PRDM16: variants seen among roughly 807,000 people sequenced by gnomAD.
The protein encoded by PRDM16 is PR/SET domain 16.
Under a neutral mutation model 110.6 loss-of-function variants are expected in PRDM16, and 23 were observed. The ratio of observed to expected loss-of-function variants is 0.21; its 90% confidence interval spans 0.15 to 0.29. The LOEUF is 0.29. Ranked by LOEUF, PRDM16 falls within the 10% of genes least tolerant of loss-of-function variation. The probability of loss-of-function intolerance (pLI) is 1.00; values close to 1 mark genes in which losing one functional copy is unlikely to be tolerated. For synonymous variants in PRDM16, 799 were observed against 781.8 expected (o/e 1.02, Z -0.37); for missense variants, 1,615 against 1,794.3 (o/e 0.90, Z 1.81).
intron 10 of PRDM16, among the ~76,000 whole-genome samples, chr1:3,415,550 C>G (rs1638220349): frequency 6.6e-6 from 1 of 152,278 alleles, no homozygotes; most frequent in Non-Finnish European, 1.5e-5. Context: ...ATAACTTCCC[C>G]TGATTTTCCT....
chr1:3,106,215 C>T (rs929524967), intron 1 of PRDM16, among the ~76,000 whole-genome samples: 2 of 152,260 alleles, frequency 1.3e-5, no homozygotes, highest in Non-Finnish European at 2.9e-5. Context: ...CCCTGGTGAG[C>T]AGGTGGCCAG....
rs1557517364 is a variant in PRDM16, at chr1:3,190,862, CG to C, written c.387+4390del. ...GCTGTTTATTTTGCTAATTAAGAGG[CG>C]GCTGCCCGGTGACAGCCCAGAGGGA... On this transcript the variant is annotated intron_variant, in intron 2 of 16. Coordinates refer to ENST00000270722, the MANE Select transcript of PRDM16 (RefSeq NM_022114.4). The surrounding 1 kb of genome is among the most constrained non-coding windows in gnomAD (Gnocchi z 5.0). Among the ~76,000 whole-genome samples the C allele has an allele frequency of 6.6e-6, 1 of 152,234 alleles. No homozygotes were observed. Among genetic ancestry groups the C allele is most frequent in the African/African-American group, 2.4e-5 (1 of 41,456 alleles).
intron 1 of PRDM16, among the ~76,000 whole-genome samples, chr1:3,076,380 AAG>A (rs1641900538): frequency 6.6e-6 from 1 of 151,966 alleles, no homozygotes; most frequent in African/African-American, 2.4e-5. Context: ...GAGATGAGGG[AAG>A]AGTTTGCTTT....
intron 5 of PRDM16, among the ~76,000 whole-genome samples, chr1:3,399,235 G>C (rs1643430071): frequency 6.6e-6 from 1 of 152,214 alleles, no homozygotes; most frequent in African/African-American, 2.4e-5. Flanking sequence ...CTCCAAAAGA[G>C]GTCAAGAGGA....
intron 3 of PRDM16, among the ~76,000 whole-genome samples, chr1:3,340,741 T>A (rs1483482562): frequency 2.6e-5 from 4 of 152,142 alleles, no homozygotes; most frequent in African/African-American, 7.2e-5. Flanking sequence ...GGGGACGTGT[T>A]TTGTAAAGGC....
intron 3 of PRDM16, among the ~76,000 whole-genome samples, chr1:3,347,573 G>C (rs1337296377): frequency 6.6e-6 from 1 of 152,258 alleles, no homozygotes; most frequent in Non-Finnish European, 1.5e-5. Context: ...GGTGGGGGCA[G>C]AGCCGTCTCT....
intron 3 of PRDM16, among the ~76,000 whole-genome samples, chr1:3,271,511 G>A (rs1640454299): frequency 6.6e-6 from 1 of 152,354 alleles, no homozygotes; most frequent in South Asian, 2.1e-4. Context: ...TTGTCCTGCA[G>A]CGGACGTGGA....
intron 2 of PRDM16, among the ~76,000 whole-genome samples, chr1:3,198,945 G>C (rs571233838): frequency 8.5e-5 from 13 of 152,330 alleles, no homozygotes; most frequent in African/African-American, 2.9e-4. Context: ...GCAGAGCTAA[G>C]ATTTCTGCCA....
chr1:3,181,552 G>GGTCTTACGGTCTTACA (rs755533699), intron 1 of PRDM16, among the ~76,000 whole-genome samples: 5 of 27,432 alleles, frequency 1.8e-4, no homozygotes, highest in Middle Eastern at 0.036. Context: ...TCTTACACAC[G>GGTCTTACGGTCTTACA]CAGTCTTACA....
intron 2 of PRDM16, among the ~76,000 whole-genome samples, chr1:3,234,866 G>A (rs943837259): frequency 3.3e-5 from 5 of 152,264 alleles, no homozygotes; most frequent in Admixed American, 1.3e-4. Flanking sequence ...CTAAAGGGGC[G>A]TCTAATCCAG....
At chr1:3,179,241 G>A (rs1294922876) in intron 1 of PRDM16, among the ~76,000 whole-genome samples, 1 of 152,260 alleles carries the variant, frequency 6.6e-6, no homozygotes, top group Non-Finnish European at 1.5e-5. Flanking sequence ...CTGGACTAGG[G>A]TGAGGCAGAG....
chr1:3,219,217 G>A (rs1047822183), intron 2 of PRDM16, among the ~76,000 whole-genome samples: 1 of 152,234 alleles, frequency 6.6e-6, no homozygotes, highest in Non-Finnish European at 1.5e-5. Flanking sequence ...TTTCCAATTA[G>A]CAAAAGAAAA....
chr1:3,069,366 G>C lies in PRDM16; in HGVS notation c.37+70G>C. 1.4e-6 allele frequency: 1 copy of C among 726,066 alleles called. No homozygotes were observed. Among genetic ancestry groups the C allele is most frequent in the Non-Finnish European group, 1.7e-6 (1 of 595,542 alleles). 45.0% of individuals were successfully genotyped at this position (726,066 alleles called of 1,614,324 possible). On this transcript the variant is annotated intron_variant, in intron 1 of 16. Transcript: ENST00000270722. The surrounding 1 kb of genome is among the most constrained non-coding windows in gnomAD (Gnocchi z 6.1). ...CCGCCGGGCCGGGGCGCCCGGGCCA[G>C]GGGTGCGCGTCGGGGCGCGGCCGGC...
chr1:3,286,943 C>T lies in PRDM16; in HGVS notation c.438+42806C>T, dbSNP rs534305553. 3.0e-3 allele frequency among the ~76,000 whole-genome samples: 455 copies of T among 150,460 alleles called. 1 individual carries two copies. Among genetic ancestry groups the T allele is most frequent in the African/African-American group, 0.011 (439 of 40,474 alleles). On this transcript the variant is annotated intron_variant, in intron 3 of 16. Coordinates refer to ENST00000270722, the MANE Select transcript of PRDM16 (RefSeq NM_022114.4). ...GGGACTCAAAGCTGGGTCTGCCCACCCTTCCTGGGTGCTGGGACTCAAAGC... is the reference window on the plus strand; with the variant it reads ...GGGACTCAAAGCTGGGTCTGCCCACTCTTCCTGGGTGCTGGGACTCAAAGC...
At chr1:3,212,150 G>A (rs1446699011) in intron 2 of PRDM16, among the ~76,000 whole-genome samples, 1 of 152,208 alleles carries the variant, frequency 6.6e-6, no homozygotes, top group Non-Finnish European at 1.5e-5. Context: ...CGCGGCGCGG[G>A]CCTCCATTCA....
At chr1:3,248,842 G>C (rs1432573439) in intron 3 of PRDM16, among the ~76,000 whole-genome samples, 2 of 152,240 alleles carry the variant, frequency 1.3e-5, no homozygotes, top group South Asian at 4.1e-4. Context: ...TCTATAGCCC[G>C]GCCCGGGCAA....
chr1:3,217,273 G>A (rs1639049886), intron 2 of PRDM16, among the ~76,000 whole-genome samples: 2 of 152,274 alleles, frequency 1.3e-5, no homozygotes, highest in South Asian at 4.1e-4. Context: ...CCTTAGCCTG[G>A]GTTAGCGCTG....
At chr1:3,322,026 ATGTG>A (rs1401437952) in intron 3 of PRDM16, among the ~76,000 whole-genome samples, 1 of 145,460 alleles carries the variant, frequency 6.9e-6, no homozygotes, top group African/African-American at 2.7e-5. Flanking sequence ...GTGAGTGCAG[ATGTG>A]TGTGAGAGTG....
chr1:3,424,562 C>T (rs937168565), intron 12 of PRDM16, among the ~76,000 whole-genome samples: 1 of 152,268 alleles, frequency 6.6e-6, no homozygotes, highest in Non-Finnish European at 1.5e-5. Flanking sequence ...CCGGCAGCAG[C>T]CCTGCCCACC....
Sources: gnomAD v4.1 joint callset for allele counts (sites outside exome capture counted in the v4.1 genomes callset) on GRCh38, gnomAD v4.1.1 for gene constraint, Gnocchi (gnomAD v3.1) non-coding constraint, MANE v1.5 for transcripts, NCBI Gene and HGNC (gene_info 2026-07-23, HGNC 2026-07-21) for gene names.